The following THY1 variants were observed in gnomAD, a reference collection of about 807,000 sequenced individuals.
THY1 encodes the protein thy-1 membrane glycoprotein.
In THY1, 10 loss-of-function variants were observed where a neutral mutation model predicts 14.9. The observed-to-expected ratio is 0.67, with a 90% CI of 0.41 to 1.14. The LOEUF is 1.14. THY1 is among the 50% of genes most tolerant of loss of function. THY1 has a pLI of 0.00. For missense variants in THY1, 159 were observed against 202.1 expected (o/e 0.79, Z 1.29); for synonymous variants, 80 against 90.0 (o/e 0.89, Z 0.63).
At chr11:119,420,734 T>A (rs1591359702) in intron 2 of THY1, 135 bp downstream of exon 2, 2 of 1,100,318 alleles carry the variant, frequency 1.8e-6, no homozygotes, top group Non-Finnish European at 2.7e-6. Flanking sequence ...GCGCGGTGGA[T>A]TGGCTGACTT....
Position 119,419,264 on chromosome 11 carries a change from A to G in THY1, c.*144T>C. The G allele has an allele frequency of 1.3e-6, 1 of 743,392 alleles. No individual in the cohort carries two copies. The highest frequency in any genetic ancestry group is 2.7e-5 in the East Asian group (1 of 36,984). 46.0% of individuals were successfully genotyped at this position (743,392 alleles called of 1,614,324 possible). Reference sequence around the variant, plus strand: ...TGGACGTGGGTAGATAATCGCATGCAGCACTGGAACTCCTGATGAGGGGTG... The same window carrying G: ...TGGACGTGGGTAGATAATCGCATGCGGCACTGGAACTCCTGATGAGGGGTG... On this transcript the variant is annotated 3_prime_UTR_variant, in exon 4 of 4. Coordinates refer to ENST00000284240, the MANE Select transcript of THY1 (RefSeq NM_006288.5).
At chr11:119,423,224 C>T (rs1381263150), upstream of THY1, 36 of 390,480 alleles carry the variant, frequency 9.2e-5, no homozygotes, top group Admixed American at 9.8e-4. Context: ...AGAGGGGGAG[C>T]GGGGAGCCGG....
At chr11:119,419,965 C>T in intron 3 of THY1, 86 bp downstream of exon 3, 1 of 1,385,236 alleles carries the variant, frequency 7.2e-7, no homozygotes, top group Non-Finnish European at 9.8e-7. Context: ...GGGCTATTCT[C>T]CTCTCTAGTC....
chr11:119,424,866 A>C (rs1861985339), upstream of THY1: 1 of 151,226 alleles, frequency 6.6e-6, no homozygotes, highest in Non-Finnish European at 1.5e-5. Flanking sequence ...CCTCCCTCCA[A>C]CTCCATCCCA....
At chr11:119,424,522 C>T (rs149696626), upstream of THY1, among the ~76,000 whole-genome samples, 18 of 152,214 alleles carry the variant, frequency 1.2e-4, no homozygotes, top group African/African-American at 2.6e-4. Flanking sequence ...GGAGGAGATT[C>T]GCTTGGTTTC....
In THY1 at chr11:119,419,175, C is replaced by T. The variant is rs1315386236; in HGVS notation, c.*233G>A. The T allele has an allele frequency of 1.8e-6, 1 of 561,312 alleles. No homozygotes were observed. The highest frequency in any genetic ancestry group is 1.9e-5 in the African/African-American group (1 of 53,132). The allele number at this position is 561,312 out of a possible 1,614,324, so 34.8% of individuals were successfully genotyped here. On this transcript the variant is annotated 3_prime_UTR_variant, in exon 4 of 4. Coordinates refer to ENST00000284240, the MANE Select transcript of THY1 (RefSeq NM_006288.5). The stretch of plus-strand genomic sequence containing the variant: ...AAAACCTAAATAAACCAGACAGAAG[C>T]AGCTCTGGAACAAAAAGTACAAAAA...
At position 119,416,831 on chromosome 11, in the gene THY1, G is replaced by A. The variant is rs1174426402; in HGVS notation, c.*2577C>T. On this transcript the variant is annotated 3_prime_UTR_variant, in exon 4 of 4. Coordinates refer to ENST00000284240, the MANE Select transcript of THY1 (RefSeq NM_006288.5). ...TTTCCGAAGTCCGTGGCCCTCTGGT[G>A]GCCTCTGTGGCTTCTTGAGCTAATC... Among the ~76,000 whole-genome samples the A allele has an allele frequency of 1.3e-5, 2 of 152,184 alleles. No individual in the cohort carries two copies. Among genetic ancestry groups the A allele is most frequent in the South Asian group, 2.1e-4 (1 of 4,830 alleles).
rs1021043429 is a variant in THY1, at chr11:119,416,991, T to C, written c.*2417A>G. Among the ~76,000 whole-genome samples the C allele has an allele frequency of 2.0e-5, 3 of 152,172 alleles. No homozygotes were observed. Among genetic ancestry groups the C allele is most frequent in the African/African-American group, 7.2e-5 (3 of 41,442 alleles). The stretch of plus-strand genomic sequence containing the variant: ...GTACTAGAGTGTGACAAAGACCCCA[T>C]AGGAAGTGTCACACAGGTGCGAGGC... On this transcript the variant is annotated 3_prime_UTR_variant, in exon 4 of 4. Transcript: ENST00000284240.
rs1861916538 is a variant in THY1 at position 119,422,133 on chromosome 11, G to C, written c.-25+980C>G. 1 of 152,282 alleles carries C rather than the reference G, an allele frequency of 6.6e-6. No individual in the cohort carries two copies. The highest frequency in any genetic ancestry group is 6.5e-5 in the Admixed American group (1 of 15,290). The allele number at this position is 152,282 out of a possible 1,614,324, so 9.4% of individuals were successfully genotyped here. On this transcript the variant is annotated intron_variant, in intron 1 of 3. Transcript: ENST00000284240. The surrounding 1 kb of genome is among the most constrained non-coding windows in gnomAD (Gnocchi z 7.0). ...AGGGCGCACCACTAGACGAGTTCAG[G>C]GTCCCTGGCGCTCAGCCCCTTGACG...
chr11:119,424,338 G>T (rs1321755701), upstream of THY1, among the ~76,000 whole-genome samples: 1 of 152,186 alleles, frequency 6.6e-6, no homozygotes, highest in African/African-American at 2.4e-5. Flanking sequence ...TTATTTGATT[G>T]ATTTGTATCC....
Position 119,421,295 on chromosome 11 carries a change from G to A in THY1, c.-24-366C>T, listed in dbSNP as rs1379989496. The stretch of plus-strand genomic sequence containing the variant: ...TCGTATTTAAAAAAAAAATTTAATC[G>A]TGGTAAAATACAAAAAGCATAATAA... On this transcript the variant is annotated intron_variant, in intron 1 of 3. Coordinates refer to ENST00000284240, the MANE Select transcript of THY1 (RefSeq NM_006288.5). The A allele has an allele frequency of 1.7e-5, 3 of 176,100 alleles. No homozygotes were observed. The East Asian group carries it at 4.5e-4, about 26-fold the overall frequency. 10.9% of individuals were successfully genotyped at this position (176,100 alleles called of 1,614,324 possible). A position where few individuals can be genotyped will look rare whatever the true frequency, so the allele number is the denominator to read the frequency against.
chr11:119,415,778 G>GC lies in THY1; in HGVS notation c.*3629dup, dbSNP rs765894910. The stretch of plus-strand genomic sequence containing the variant: ...CTTGAGTGTGTTGGGGACATTCCAG[G>GC]CCTGAGAGTGTCCTGAGGCTGAGAG... On this transcript the variant is annotated 3_prime_UTR_variant, in exon 4 of 4. Coordinates refer to ENST00000284240, the MANE Select transcript of THY1 (RefSeq NM_006288.5). 2.0e-5 allele frequency among the ~76,000 whole-genome samples: 3 copies of GC among 152,192 alleles called. No individual in the cohort carries two copies. Among genetic ancestry groups the GC allele is most frequent in the Non-Finnish European group, 4.4e-5 (3 of 68,044 alleles).
chr11:119,423,091 T>C (rs1481685883), intron 1 of THY1, 22 bp downstream of exon 1: 1 of 455,794 alleles, frequency 2.2e-6, no homozygotes, highest in Non-Finnish European at 4.4e-6. Flanking sequence ...GAGCCCCAGG[T>C]CCCACCGGCT....
At position 119,422,096 on chromosome 11, in the gene THY1, G is replaced by GC; in HGVS notation, c.-25+1016dup. The GC allele has an allele frequency of 6.6e-6, 1 of 152,446 alleles. No homozygotes were observed. Among genetic ancestry groups the GC allele is most frequent in the Admixed American group, 6.5e-5 (1 of 15,310 alleles). 9.4% of individuals were successfully genotyped at this position (152,446 alleles called of 1,614,324 possible). On this transcript the variant is annotated intron_variant, in intron 1 of 3. Coordinates refer to ENST00000284240, the MANE Select transcript of THY1 (RefSeq NM_006288.5). This position sits in a 1 kb window ranked among gnomAD's most constrained non-coding sequence, Gnocchi z 7.0. ...GCAGGGCATTGCCTCGGTTGAGTGCGCCCGGGTGCGCAGGGCGCACCACTA... is the reference window on the plus strand; with the variant it reads ...GCAGGGCATTGCCTCGGTTGAGTGCGCCCCGGGTGCGCAGGGCGCACCACTA...
chr11:119,422,724 A>G lies in THY1; in HGVS notation c.-25+389T>C, dbSNP rs1861932792. Reference sequence around the variant, plus strand: ...CCCGGCAGATTCCCTCTAGCTCGCCATCCTCCATCCTCTCCCCGCAGTTTC... The same window carrying G: ...CCCGGCAGATTCCCTCTAGCTCGCCGTCCTCCATCCTCTCCCCGCAGTTTC... On this transcript the variant is annotated intron_variant, in intron 1 of 3. Transcript: ENST00000284240. The surrounding 1 kb of genome is among the most constrained non-coding windows in gnomAD (Gnocchi z 7.0). 6.6e-6 allele frequency among the ~76,000 whole-genome samples: 1 copy of G among 151,912 alleles called. No homozygotes were observed. The highest frequency in any genetic ancestry group is 2.4e-5 in the African/African-American group (1 of 41,304).
chr11:119,422,997 C>T lies in THY1; in HGVS notation c.-25+116G>A, dbSNP rs903150869. Reference sequence around the variant, plus strand: ...AAAGCAGGCCCCTCCCTAAGCTCTGCGCCCTTCTTCCCTGGGCGCCCTCGG... The same window carrying T: ...AAAGCAGGCCCCTCCCTAAGCTCTGTGCCCTTCTTCCCTGGGCGCCCTCGG... On this transcript the variant is annotated intron_variant, in intron 1 of 3. Coordinates refer to ENST00000284240, the MANE Select transcript of THY1 (RefSeq NM_006288.5). The surrounding 1 kb of genome is among the most constrained non-coding windows in gnomAD (Gnocchi z 7.0). 1 of 455,238 alleles carries T rather than the reference C, an allele frequency of 2.2e-6. No homozygotes were observed. Among genetic ancestry groups the T allele is most frequent in the African/African-American group, 2.0e-5 (1 of 50,022 alleles). The allele number at this position is 455,238 out of a possible 1,614,324, so 28.2% of individuals were successfully genotyped here.
intron 3 of THY1, 135 bp from the exon 4 acceptor site, chr11:119,419,655 A>C: frequency 1.5e-6 from 1 of 688,198 alleles, no homozygotes; most frequent in Middle Eastern, 4.1e-4. Flanking sequence ...GACCAGGAAC[A>C]GCCCGGTCTC....
rs1402313114 is a variant in THY1 at position 119,415,947 on chromosome 11, C to T, written c.*3461G>A. Among the ~76,000 whole-genome samples the T allele has an allele frequency of 6.6e-6, 1 of 152,182 alleles. No individual in the cohort carries two copies. The highest frequency in any genetic ancestry group is 2.4e-5 in the African/African-American group (1 of 41,436). On this transcript the variant is annotated 3_prime_UTR_variant, in exon 4 of 4. Coordinates refer to ENST00000284240, the MANE Select transcript of THY1 (RefSeq NM_006288.5). ...TTTGTTTCACATGTAAAGACACCTTCACAGCACGAAAGCTGCAGATTCAGA... is the reference window on the plus strand; with the variant it reads ...TTTGTTTCACATGTAAAGACACCTTTACAGCACGAAAGCTGCAGATTCAGA...
At chr11:119,419,685 C>T (rs1861857944) in intron 3 of THY1, 165 bp from the exon 4 acceptor site, 2 of 627,638 alleles carry the variant, frequency 3.2e-6, no homozygotes, top group Non-Finnish European at 5.8e-6. Flanking sequence ...GCCATCTTTC[C>T]CATTTGCAGA....
Sources: allele counts gnomAD v4.1 joint callset (sites outside exome capture counted in the v4.1 genomes callset), GRCh38; gene constraint gnomAD v4.1.1; non-coding constraint Gnocchi (gnomAD v3.1); transcripts MANE v1.5; gene names NCBI Gene and HGNC (gene_info 2026-07-23, HGNC 2026-07-21).